Variants in HYDIN observed in about 807,000 individuals in gnomAD.
HYDIN encodes the protein axonemal central pair apparatus protein HYDIN.
In HYDIN, 132 loss-of-function variants were observed where a neutral mutation model predicts 403.9. That is an observed-to-expected ratio of 0.33 (90% CI 0.28 to 0.38). The LOEUF (loss-of-function observed/expected upper bound fraction) is 0.38. HYDIN is among the 10% of genes least tolerant of loss of function. The probability of loss-of-function intolerance (pLI) is 1.00; values close to 1 mark genes in which losing one functional copy is unlikely to be tolerated. For synonymous variants in HYDIN, 1,202 were observed against 1,891.7 expected (o/e 0.64, Z 9.46); for missense variants, 2,827 against 5,009.5 (o/e 0.56, Z 13.15).
intron 18 of HYDIN, among the ~76,000 whole-genome samples, chr16:71,041,811 A>G (rs2144198441): frequency 6.6e-6 from 1 of 151,810 alleles, no homozygotes; most frequent in South Asian, 2.1e-4. Context: ...ACACATATAT[A>G]TTTATTGAAT....
intron 62 of HYDIN, among the ~76,000 whole-genome samples, chr16:70,875,694 C>A (rs974883897): frequency 6.6e-6 from 1 of 152,068 alleles, no homozygotes; most frequent in Non-Finnish European, 1.5e-5. Flanking sequence ...CATAAAAGAT[C>A]TAAATAAATG....
intron 10 of HYDIN, among the ~76,000 whole-genome samples, chr16:71,099,088 T>A (rs1367785057): frequency 1.3e-5 from 2 of 152,118 alleles, no homozygotes; most frequent in African/African-American, 4.8e-5. Flanking sequence ...CATCTATGAC[T>A]GCAGTGTTCT....
At chr16:71,034,869 A>G (rs1175118572) in intron 18 of HYDIN, among the ~76,000 whole-genome samples, 1 of 151,672 alleles carries the variant, frequency 6.6e-6, no homozygotes, top group African/African-American at 2.4e-5. Context: ...CAAATATGGA[A>G]AATCCCAAAA....
chr16:70,872,155 A>C lies in HYDIN; in HGVS notation c.10973T>G (p.Phe3658Cys), dbSNP rs773805587. 1.3e-5 allele frequency: 19 copies of C among 1,503,682 alleles called. No homozygotes were observed. The African/African-American group carries it at 1.6e-4, about 13-fold the overall frequency. 93.1% of individuals were successfully genotyped at this position (1,503,682 alleles called of 1,614,324 possible). ...VAAALVDHIQ[F>C]GDCHIGHSYN... ...GCTGTGTCCAATGTGGCAGTCCCCA[A>C]ATTGGATGTGGTCCACCAGAGCAGC... is the stretch of plus-strand genomic sequence containing the variant. Residue 3658 changes from phenylalanine to cysteine, a missense_variant, in exon 65 of 86, where the codon TTT (phenylalanine) becomes TGT (cysteine). By Grantham distance (205) the Phe-to-Cys change is radical. Coordinates refer to ENST00000393567, the MANE Select transcript of HYDIN (RefSeq NM_001270974.2).
chr16:71,126,709 C>T (rs1454446035), intron 9 of HYDIN, among the ~76,000 whole-genome samples: 6 of 152,140 alleles, frequency 3.9e-5, no homozygotes, highest in South Asian at 2.1e-4. Context: ...GCAGGAAGAA[C>T]GGAATTGCCT....
chr16:70,810,617 G>A (rs1477288280), intron 84 of HYDIN, among the ~76,000 whole-genome samples: 2 of 152,066 alleles, frequency 1.3e-5, no homozygotes, highest in Non-Finnish European at 2.9e-5. Flanking sequence ...GGATCACAAG[G>A]TCAGGAGTTC....
At chr16:71,105,259 G>C (rs960282863) in intron 10 of HYDIN, among the ~76,000 whole-genome samples, 1 of 151,804 alleles carries the variant, frequency 6.6e-6, no homozygotes, top group Admixed American at 6.6e-5. Context: ...ATCATAGTGA[G>C]ACCAGAAATG....
chr16:70,881,043 T>C (rs372967889), intron 60 of HYDIN, among the ~76,000 whole-genome samples: 10 of 145,412 alleles, frequency 6.9e-5, no homozygotes, highest in Non-Finnish European at 1.2e-4. Flanking sequence ...CTGGTCAACA[T>C]GGTGAAACCC....
At chr16:71,026,739 A>C (rs2080716494) in intron 20 of HYDIN, among the ~76,000 whole-genome samples, 1 of 152,284 alleles carries the variant, frequency 6.6e-6, no homozygotes, top group Admixed American at 6.5e-5. Flanking sequence ...CTATGAAGAA[A>C]TAATCTAATG....
In HYDIN at chr16:70,833,963, G is replaced by A. The variant is rs267604614; in HGVS notation, c.13603C>T (p.Pro4535Ser). 7.1e-5 allele frequency: 114 copies of A among 1,613,220 alleles called. No homozygotes were observed. The South Asian group carries it at 8.0e-4, about 11-fold the overall frequency. Reference sequence around the variant, plus strand: ...GTCTGATACACCACGGGTCCAAAGGGAATATGTTCCTGGTCCAGTGAGATC... The same window carrying A: ...GTCTGATACACCACGGGTCCAAAGGAAATATGTTCCTGGTCCAGTGAGATC... ...LEISLDQEHI[P>S]FGPVVYQTQA... The change falls in exon 79 of 86, where the codon CCC becomes TCC. Residue 4535 changes from proline (P) to serine (S), a missense_variant. Transcript: ENST00000393567.
At chr16:71,015,140 T>C (rs1476980670) in intron 23 of HYDIN, among the ~76,000 whole-genome samples, 1 of 149,416 alleles carries the variant, frequency 6.7e-6, no homozygotes, top group Non-Finnish European at 1.5e-5. Flanking sequence ...TGTTCACTTT[T>C]ATAGTGCTGA....
chr16:71,187,038 CA>C, intron 1 of HYDIN, 120 bp from the exon 2 acceptor site: 1 of 605,210 alleles, frequency 1.7e-6, no homozygotes, highest in Non-Finnish European at 2.9e-6. Flanking sequence ...TTCCGAAATC[CA>C]AATGCTTGGA....
In HYDIN at chr16:70,872,134, T is replaced by C. The variant is rs774637330; in HGVS notation, c.10994A>G (p.His3665Arg). Reference sequence around the variant, plus strand: ...GACTGTGAAGCTCGCATTATAGCTGTGTCCAATGTGGCAGTCCCCAAATTG... The same window carrying C: ...GACTGTGAAGCTCGCATTATAGCTGCGTCCAATGTGGCAGTCCCCAAATTG... ...HIQFGDCHIG[H>R]SYNASFTVTN... Residue 3665 changes from histidine to arginine, a missense_variant, in exon 65 of 86, where the codon CAC becomes CGC. Transcript: ENST00000393567. 3.2e-6 allele frequency: 5 copies of C among 1,555,106 alleles called. No homozygotes were observed. The South Asian group carries it at 4.8e-5, about 15-fold the overall frequency.
rs2035103670 is a variant in HYDIN at position 70,806,302 on chromosome 16, C to T, written c.*1278G>A. ...TACTGGGCACCTTGGAATGTATCCC[C>T]TGAGGATGAGGGAGGACTATTGTAA... On this transcript the variant is annotated 3_prime_UTR_variant, in exon 86 of 86. Coordinates refer to ENST00000393567, the MANE Select transcript of HYDIN (RefSeq NM_001270974.2). Among the ~76,000 whole-genome samples, 1 of 152,138 alleles carries T rather than the reference C, an allele frequency of 6.6e-6. No homozygotes were observed. Among genetic ancestry groups the T allele is most frequent in the East Asian group, 1.9e-4 (1 of 5,200 alleles).
chr16:71,173,830 G>A (rs2086561610), intron 5 of HYDIN, among the ~76,000 whole-genome samples: 1 of 152,122 alleles, frequency 6.6e-6, no homozygotes, highest in Non-Finnish European at 1.5e-5. Context: ...TCAGTCAGAT[G>A]AGGTACAGAT....
At chr16:71,007,153 A>G (rs1179868881) in intron 23 of HYDIN, among the ~76,000 whole-genome samples, 1 of 151,822 alleles carries the variant, frequency 6.6e-6, no homozygotes, top group Admixed American at 6.6e-5. Flanking sequence ...AATCACAATA[A>G]TAACAGTGTT....
At chr16:71,107,323 A>G (rs1251237895) in intron 10 of HYDIN, among the ~76,000 whole-genome samples, 3 of 151,442 alleles carry the variant, frequency 2.0e-5, no homozygotes, top group South Asian at 2.1e-4. Context: ...ATTAAATTAA[A>G]AAAAAAAAAG....
In HYDIN at chr16:71,067,051, T is replaced by C. The variant is rs1359348359; in HGVS notation, c.2075+239A>G. Reference sequence around the variant, plus strand: ...GAGAGGGTCTGACCCGTTTTTTCACTATTCTTAGGATTCTCTGCCTAAACT... The same window carrying C: ...GAGAGGGTCTGACCCGTTTTTTCACCATTCTTAGGATTCTCTGCCTAAACT... On this transcript the variant is annotated intron_variant, in intron 15 of 85. Coordinates refer to ENST00000393567, the MANE Select transcript of HYDIN (RefSeq NM_001270974.2). 3 of 637,036 alleles carry C rather than the reference T, an allele frequency of 4.7e-6. No homozygotes were observed. In the African/African-American group the frequency reaches 5.4e-5, roughly 12 times the overall value. 39.5% of individuals were successfully genotyped at this position (637,036 alleles called of 1,614,324 possible).
intron 1 of HYDIN, among the ~76,000 whole-genome samples, chr16:71,230,033 G>A (rs1449613958): frequency 6.6e-6 from 1 of 152,092 alleles, no homozygotes; most frequent in Non-Finnish European, 1.5e-5. Flanking sequence ...CTTGCCTGCC[G>A]CCATATAAGA....
Sources: allele counts gnomAD v4.1 joint callset (sites outside exome capture counted in the v4.1 genomes callset), GRCh38; gene constraint gnomAD v4.1.1; transcripts MANE v1.5; gene names NCBI Gene and HGNC (gene_info 2026-07-23, HGNC 2026-07-21).